OPHN1: variants seen among roughly 807,000 people sequenced by gnomAD.
OPHN1 encodes oligophrenin-1.
A neutral mutation model predicts 60.7 loss-of-function variants in OPHN1; 11 were observed. The ratio of observed to expected loss-of-function variants is 0.18; its 90% CI spans 0.11 to 0.30. The LOEUF is 0.30. Among genes scored for constraint, OPHN1 ranks in the 10% least tolerant of loss-of-function variants. The pLI is 1.00. For synonymous variants in OPHN1, 226 were observed against 222.6 expected (o/e 1.02, Z -0.14); for missense variants, 449 against 611.0 (o/e 0.73, Z 2.80).
chrX:68,210,068 A>G, intron 9 of OPHN1, 85 bp downstream of exon 9: 1 of 1,055,586 alleles, frequency 9.5e-7, no homozygotes, highest in Non-Finnish European at 1.3e-6. Flanking sequence ...TATGAACAGT[A>G]AGGGTGCCCA....
intron 2 of OPHN1, among the ~76,000 whole-genome samples, chrX:68,337,523 T>C (rs1480116748): frequency 1.8e-5 from 2 of 111,111 alleles, no homozygotes; most frequent in Non-Finnish European, 3.8e-5. Flanking sequence ...AAAACTTAAT[T>C]TTTGGTTTTT....
chrX:68,266,967 A>C (rs755105841), intron 5 of OPHN1, among the ~76,000 whole-genome samples: 1 of 112,111 alleles, frequency 8.9e-6, no homozygotes. Flanking sequence ...CAATTTAACA[A>C]GAAGAGCTAA....
intron 5 of OPHN1, among the ~76,000 whole-genome samples, chrX:68,269,909 C>T (rs1201210671): frequency 9.0e-6 from 1 of 111,610 alleles, no homozygotes; most frequent in African/African-American, 3.3e-5. Context: ...ACAAACAACC[C>T]CATCAAAAAG....
chrX:68,209,960 A>T (rs1403974802), intron 9 of OPHN1, 193 bp downstream of exon 9: 1 of 485,507 alleles, frequency 2.1e-6, no homozygotes, highest in Non-Finnish European at 3.6e-6. Context: ...CAGCCTTTGT[A>T]AGACAAATCT....
At chrX:68,294,421 C>G (rs915196632) in intron 3 of OPHN1, among the ~76,000 whole-genome samples, 2 of 91,393 alleles carry the variant, frequency 2.2e-5, no homozygotes, top group African/African-American at 4.3e-5. Context: ...TGCAGTGAGT[C>G]GAGATCACGC....
chrX:68,169,330 A>G (rs1318874878), intron 15 of OPHN1, among the ~76,000 whole-genome samples: 1 of 111,669 alleles, frequency 9.0e-6, no homozygotes, highest in Non-Finnish European at 1.9e-5. Flanking sequence ...AGGAAGAATC[A>G]ATATTGTGAA....
chrX:68,265,971 T>C (rs1361637485), intron 5 of OPHN1, among the ~76,000 whole-genome samples: 1 of 110,585 alleles, frequency 9.0e-6, no homozygotes, highest in African/African-American at 3.3e-5. Context: ...GAAGAGAGGT[T>C]TAGAGAAAAA....
At chrX:68,212,241 T>C in intron 7 of OPHN1, 29 bp from the exon 8 acceptor site, 1 of 964,583 alleles carries the variant, frequency 1.0e-6, no homozygotes, top group Non-Finnish European at 1.5e-6. Flanking sequence ...AATAACTTTA[T>C]CACCAGCATC....
intron 2 of OPHN1, among the ~76,000 whole-genome samples, chrX:68,328,418 G>A (rs1034703704): frequency 4.4e-5 from 5 of 112,955 alleles, no homozygotes; most frequent in Non-Finnish European, 7.5e-5. Flanking sequence ...GTGAGCCACC[G>A]CGCCCAGCCA....
intron 5 of OPHN1, among the ~76,000 whole-genome samples, chrX:68,259,990 G>C (rs1015655605): frequency 9.0e-6 from 1 of 111,650 alleles, no homozygotes; most frequent in Non-Finnish European, 1.9e-5. Flanking sequence ...GTTTTCTAAT[G>C]TTCTTTTCCA....
At chrX:68,197,136 T>C in intron 12 of OPHN1, 50 bp downstream of exon 12, 1 of 918,428 alleles carries the variant, frequency 1.1e-6, no homozygotes, top group Non-Finnish European at 1.6e-6. Flanking sequence ...TAGAGGGCAC[T>C]CATACACTGG....
rs2076826659 is a variant in OPHN1 at position 68,044,646 on chromosome X, C to T, written c.*2526G>A. 1 of 112,629 alleles carries T rather than the reference C, an allele frequency of 8.9e-6. No individual in the cohort carries two copies. The highest frequency in any genetic ancestry group is 3.2e-5 in the African/African-American group (1 of 30,987). 9.3% of individuals were successfully genotyped at this position (112,629 alleles called of 1,213,427 possible). ...GCAAGCCAGTCTCATTCCATGATAG[C>T]ATGCCTCGCCACAGAAGCTTTTTGC... is the stretch of plus-strand genomic sequence containing the variant. On this transcript the variant is annotated 3_prime_UTR_variant, in exon 25 of 25. Transcript: ENST00000355520.
In OPHN1 at chrX:68,073,303, T is replaced by C. The variant is rs781768855; in HGVS notation, c.1687-4A>G. The C allele has an allele frequency of 1.1e-5, 13 of 1,192,787 alleles. No homozygotes were observed. The highest frequency in any genetic ancestry group is 1.5e-5 in the Non-Finnish European group (13 of 885,879). On this transcript the variant is annotated splice_region_variant and splice_polypyrimidine_tract_variant and intron_variant, in intron 19 of 24. Coordinates refer to ENST00000355520, the MANE Select transcript of OPHN1 (RefSeq NM_002547.3). ...CCTCAGGTGGACCTAAATAGATCTG[T>C]GGAGAAAGAAGGAAGATATCTAGAG...
intron 24 of OPHN1, among the ~76,000 whole-genome samples, chrX:68,047,478 G>A (rs1157869085): frequency 9.0e-6 from 1 of 111,531 alleles, no homozygotes; most frequent in Non-Finnish European, 1.9e-5. Context: ...CTGCCTTTAT[G>A]GTCATACAAT....
chrX:68,211,299 C>A (rs1602238037), intron 8 of OPHN1, among the ~76,000 whole-genome samples: 1 of 112,385 alleles, frequency 8.9e-6, no homozygotes, highest in East Asian at 2.8e-4. Flanking sequence ...TCTAAAGTCA[C>A]CAACTCAGTA....
At chrX:68,241,491 CATG>C (rs1042129323) in intron 5 of OPHN1, among the ~76,000 whole-genome samples, 5 of 111,356 alleles carry the variant, frequency 4.5e-5, no homozygotes, top group African/African-American at 1.6e-4. Flanking sequence ...CAGGGGTATC[CATG>C]ATATTAGTGA....
intron 15 of OPHN1, among the ~76,000 whole-genome samples, chrX:68,169,020 C>A (rs2147416219): frequency 9.0e-6 from 1 of 111,386 alleles, no homozygotes; most frequent in African/African-American, 3.3e-5. Flanking sequence ...CAATAGTTTA[C>A]CAACCAAAAA....
intron 5 of OPHN1, among the ~76,000 whole-genome samples, chrX:68,248,913 C>T (rs1443864581): frequency 9.0e-6 from 1 of 111,170 alleles, no homozygotes; most frequent in East Asian, 2.8e-4. Flanking sequence ...AACTCATGGA[C>T]ATAGGGTATA....
intron 21 of OPHN1, among the ~76,000 whole-genome samples, chrX:68,061,297 G>A (rs1413421511): frequency 9.0e-6 from 1 of 111,646 alleles, no homozygotes; most frequent in Non-Finnish European, 1.9e-5. Flanking sequence ...GCAGCCCAGG[G>A]TAGGACTGGA....
Sources: gnomAD v4.1 joint callset for allele counts (sites outside exome capture counted in the v4.1 genomes callset) on GRCh38, gnomAD v4.1.1 for gene constraint, MANE v1.5 for transcripts, NCBI Gene and HGNC (gene_info 2026-07-23, HGNC 2026-07-21) for gene names.